KCNQ1: variants seen among roughly 807,000 people sequenced by gnomAD.
KCNQ1 encodes the protein potassium voltage-gated channel subfamily KQT member 1.
In KCNQ1, 49 loss-of-function variants were observed where a neutral mutation model predicts 72.4. The observed-to-expected ratio is 0.68, with a 90% CI of 0.54 to 0.86. The LOEUF (loss-of-function observed/expected upper bound fraction) is 0.86. KCNQ1 is among the 40% of genes least tolerant of loss of function. KCNQ1 has a pLI of 0.00. For synonymous variants in KCNQ1, 450 were observed against 412.6 expected (o/e 1.09, Z -1.10); for missense variants, 790 against 945.1 (o/e 0.84, Z 2.15).
chr11:2,597,097 G>A (rs936844979), intron 10 of KCNQ1, among the ~76,000 whole-genome samples: 1 of 152,102 alleles, frequency 6.6e-6, no homozygotes, highest in Non-Finnish European at 1.5e-5. Context: ...AAATATGCTG[G>A]ATGACTTCAA....
At chr11:2,650,486 G>A (rs1040516326) in intron 10 of KCNQ1, 8 of 398,546 alleles carry the variant, frequency 2.0e-5, no homozygotes, top group African/African-American at 1.6e-4. Flanking sequence ...CAGTGCAGAA[G>A]TGTGGTGTCT....
rs1488129980 is a variant in KCNQ1, at chr11:2,481,461, G to A, written c.386+35977G>A. On this transcript the variant is annotated intron_variant, in intron 1 of 15. Transcript: ENST00000155840. This position sits in a 1 kb window ranked among gnomAD's most constrained non-coding sequence, Gnocchi z 4.6. ...GAGTGAGTTGCACGTCTACAGCTAGGCTGCTTCCCCGAGGCTGTGTGGCCA... is the reference window on the plus strand; with the variant it reads ...GAGTGAGTTGCACGTCTACAGCTAGACTGCTTCCCCGAGGCTGTGTGGCCA... Among the ~76,000 whole-genome samples, 1 of 152,162 alleles carries A rather than the reference G, an allele frequency of 6.6e-6. No individual in the cohort carries two copies. The highest frequency in any genetic ancestry group is 1.5e-5 in the Non-Finnish European group (1 of 68,030).
chr11:2,589,834 A>T (rs1848648005), intron 10 of KCNQ1, among the ~76,000 whole-genome samples: 1 of 152,178 alleles, frequency 6.6e-6, no homozygotes, highest in Non-Finnish European at 1.5e-5. Context: ...CTGCATCAGG[A>T]GGCACACGTG....
chr11:2,672,442 AAGAGCTTCAATTG>A, intron 11 of KCNQ1: 1 of 398,578 alleles, frequency 2.5e-6, no homozygotes, highest in East Asian at 3.6e-5. Context: ...AGGGGCTCTG[AAGAGCTTCAATTG>A]AGATATCCTT....
intron 1 of KCNQ1, among the ~76,000 whole-genome samples, chr11:2,512,266 C>T (rs762606809): frequency 7.9e-5 from 12 of 152,304 alleles, no homozygotes; most frequent in Admixed American, 3.9e-4. Context: ...GTGCTGGAGC[C>T]GGGGCGGGAG....
chr11:2,699,175 T>C (rs78911722), intron 11 of KCNQ1: 10 of 398,672 alleles, frequency 2.5e-5, no homozygotes, highest in Middle Eastern at 6.3e-4. Context: ...ATGAGAACTA[T>C]AGACCCGGAA....
chr11:2,733,777 C>T (rs1156852272), intron 11 of KCNQ1, among the ~76,000 whole-genome samples: 5 of 17,232 alleles, frequency 2.9e-4, no homozygotes, highest in African/African-American at 2.7e-3. Context: ...AGGCCTTCCA[C>T]ACACACACAC....
At chr11:2,575,838 T>G (rs2133738199) in intron 6 of KCNQ1, among the ~76,000 whole-genome samples, 1 of 152,228 alleles carries the variant, frequency 6.6e-6, no homozygotes, top group African/African-American at 2.4e-5. Context: ...CACAACAAAG[T>G]CCGCGAACTG....
In KCNQ1 at chr11:2,463,770, A is replaced by T. The variant is rs937579505; in HGVS notation, c.386+18286A>T. Among the ~76,000 whole-genome samples, 3 of 152,184 alleles carry T rather than the reference A, an allele frequency of 2.0e-5. No homozygotes were observed. The highest frequency in any genetic ancestry group is 4.4e-5 in the Non-Finnish European group (3 of 68,024). The stretch of plus-strand genomic sequence containing the variant: ...AGAGTGGCGGCCTCTGCTCCTCACA[A>T]GACATTGCCCTGCGAGGGGGTCAGC... On this transcript the variant is annotated intron_variant, in intron 1 of 15. Transcript: ENST00000155840. This position sits in a 1 kb window ranked among gnomAD's most constrained non-coding sequence, Gnocchi z 7.0.
At chr11:2,607,788 T>A (rs1466182290) in intron 10 of KCNQ1, among the ~76,000 whole-genome samples, 1 of 152,240 alleles carries the variant, frequency 6.6e-6, no homozygotes, top group South Asian at 2.1e-4. Flanking sequence ...AATTCAACCT[T>A]GCATTCCTGA....
intron 15 of KCNQ1, among the ~76,000 whole-genome samples, chr11:2,825,882 C>A (rs1036220751): frequency 1.3e-5 from 2 of 152,186 alleles, no homozygotes; most frequent in African/African-American, 4.8e-5. Context: ...TCCACAGACA[C>A]TTTACCACCT....
In KCNQ1 at chr11:2,588,402, C is replaced by T. The variant is rs112193996; in HGVS notation, c.1252-311C>T. Among the ~76,000 whole-genome samples, 3,255 of 152,306 alleles carry T rather than the reference C, an allele frequency of 0.021. 58 individuals are homozygous for T. The highest frequency in any genetic ancestry group is 0.037 in the Non-Finnish European group (2,537 of 68,010). On this transcript the variant is annotated intron_variant, in intron 9 of 15. Transcript: ENST00000155840. This position sits in a 1 kb window ranked among gnomAD's most constrained non-coding sequence, Gnocchi z 5.6. ...AGCCTGTTCCCCCGATATGCATTCT[C>T]CCCTACTGGTCACAGCCCCTGTTAC...
At chr11:2,833,147 G>A (rs1590118148) in intron 15 of KCNQ1, among the ~76,000 whole-genome samples, 1 of 152,300 alleles carries the variant, frequency 6.6e-6, no homozygotes, top group Non-Finnish European at 1.5e-5. Flanking sequence ...GCTGGGTAGG[G>A]GTGCCTGTGT....
At chr11:2,460,197 T>C (rs998841035) in intron 1 of KCNQ1, among the ~76,000 whole-genome samples, 1 of 151,976 alleles carries the variant, frequency 6.6e-6, no homozygotes, top group African/African-American at 2.4e-5. Flanking sequence ...GGGGCAGGAC[T>C]CCGGGGCAGG....
chr11:2,651,584 C>G lies in KCNQ1; in HGVS notation c.1394-10377C>G, dbSNP rs1257690041. On this transcript the variant is annotated intron_variant, in intron 10 of 15. Transcript: ENST00000155840. The surrounding 1 kb of genome is among the most constrained non-coding windows in gnomAD (Gnocchi z 6.1). ...GTTCTTTACCTCCATGTCTCCAGTG[C>G]CTGCCACATAGCAGGTCCTCCAAGA... 2 of 398,524 alleles carry G rather than the reference C, an allele frequency of 5.0e-6. No individual in the cohort carries two copies. The highest frequency in any genetic ancestry group is 1.3e-4 in the South Asian group (1 of 7,854). The allele number at this position is 398,524 out of a possible 1,614,324, so 24.7% of individuals were successfully genotyped here. A position where few individuals can be genotyped will look rare whatever the true frequency, so the allele number is the denominator to read the frequency against.
intron 6 of KCNQ1, among the ~76,000 whole-genome samples, chr11:2,581,549 T>C (rs965118816): frequency 3.9e-5 from 6 of 152,196 alleles, no homozygotes; most frequent in Non-Finnish European, 8.8e-5. Flanking sequence ...ATGGCCTGGC[T>C]TCACCCTGCA....
chr11:2,667,572 G>C (rs1850101356), intron 11 of KCNQ1: 2 of 397,344 alleles, frequency 5.0e-6, no homozygotes, highest in Non-Finnish European at 8.9e-6. Flanking sequence ...GGCAGTTGGG[G>C]CAGGGGGTCG....
Position 2,659,711 on chromosome 11 carries a change from C to A in KCNQ1, c.1394-2250C>A. ...GTCACTGTGCCATTTTGCATTCCCA[C>A]CAGTAACATATGAGAGTTCTACATG... is the stretch of plus-strand genomic sequence containing the variant. On this transcript the variant is annotated intron_variant, in intron 10 of 15. Coordinates refer to ENST00000155840, the MANE Select transcript of KCNQ1 (RefSeq NM_000218.3). The surrounding 1 kb of genome is among the most constrained non-coding windows in gnomAD (Gnocchi z 4.3). The A allele has an allele frequency of 2.5e-6, 1 of 398,440 alleles. No individual in the cohort carries two copies. The highest frequency in any genetic ancestry group is 4.4e-6 in the Non-Finnish European group (1 of 226,002). 24.7% of individuals were successfully genotyped at this position (398,440 alleles called of 1,614,324 possible).
Position 2,482,628 on chromosome 11 carries a change from C to T in KCNQ1, c.386+37144C>T, listed in dbSNP as rs1339476412. The stretch of plus-strand genomic sequence containing the variant: ...TTTAGCTTCCTACTGTGCTGCTGGA[C>T]ATCACTGACTCCCCCCGCCAACCCC... On this transcript the variant is annotated intron_variant, in intron 1 of 15. Transcript: ENST00000155840. The surrounding 1 kb of genome is among the most constrained non-coding windows in gnomAD (Gnocchi z 5.7). Among the ~76,000 whole-genome samples, 1 of 152,048 alleles carries T rather than the reference C, an allele frequency of 6.6e-6. No homozygotes were observed. Among genetic ancestry groups the T allele is most frequent in the South Asian group, 2.1e-4 (1 of 4,822 alleles).
Sources: allele counts gnomAD v4.1 joint callset (sites outside exome capture counted in the v4.1 genomes callset), GRCh38; gene constraint gnomAD v4.1.1; non-coding constraint Gnocchi (gnomAD v3.1); transcripts MANE v1.5; gene names NCBI Gene and HGNC (gene_info 2026-07-23, HGNC 2026-07-21).